GPR78: variants seen among roughly 807,000 people sequenced by gnomAD.
GPR78 encodes the protein G protein-coupled receptor 78.
A neutral mutation model predicts 17.9 loss-of-function variants in GPR78; 29 were observed. The ratio of observed to expected loss-of-function variants is 1.62; its 90% CI spans 1.20 to 2.21. The LOEUF (loss-of-function observed/expected upper bound fraction) is 2.21, where lower values mean the gene tolerates loss of function less well. Ranked by LOEUF, GPR78 falls within the 30% of genes most tolerant of loss-of-function variation. The probability of loss-of-function intolerance (pLI) is 0.00; values close to 1 mark genes in which losing one functional copy is unlikely to be tolerated. For missense variants in GPR78, 649 were observed against 530.5 expected, an observed-to-expected ratio of 1.22 and a Z score of -2.19; for synonymous variants, 349 against 256.9, an observed-to-expected ratio of 1.36 and a Z score of -3.43.
In GPR78 at chr4:8,582,521, G is replaced by C; in HGVS notation, c.669-10G>C. 1 of 1,590,328 alleles carries C rather than the reference G, an allele frequency of 6.3e-7. No homozygotes were observed. The highest frequency in any genetic ancestry group is 8.6e-7 in the Non-Finnish European group (1 of 1,166,614). ...GCCATCATCCTGACCACTGTCCTCT[G>C]TCCCCACAGTGTGCGGCAGCGCTGC... On this transcript the variant is annotated splice_polypyrimidine_tract_variant and intron_variant, in intron 1 of 2. Transcript: ENST00000382487.
At chr4:8,585,523 T>G (rs4696850) in intron 2 of GPR78, among the ~76,000 whole-genome samples, 127,571 of 151,728 alleles carry the variant, frequency 0.84, 53,861 homozygotes, top group East Asian at 0.98. Context: ...ATGCCTGATA[T>G]TGGGCTCCCT....
chr4:8,587,490 A>G lies in GPR78; in HGVS notation c.*127A>G. 1 of 920,156 alleles carries G rather than the reference A, an allele frequency of 1.1e-6. No individual in the cohort carries two copies. The highest frequency in any genetic ancestry group is 1.6e-6 in the Non-Finnish European group (1 of 609,280). The allele number at this position is 920,156 out of a possible 1,614,324, so 57.0% of individuals were successfully genotyped here. The stretch of plus-strand genomic sequence containing the variant: ...CTTGACTTTGAGCTAAGGCTGAAGT[A>G]CAGGAGGAGGAGGAGGAGAGGGCCG... On this transcript the variant is annotated 3_prime_UTR_variant, in exon 3 of 3. Transcript: ENST00000382487.
Position 8,587,077 on chromosome 4 carries a change from T to A in GPR78, c.806T>A (p.Val269Asp). The change falls in exon 3 of 3, where the codon GTC becomes GAC. Residue 269 changes from valine (V) to aspartate (D), a missense_variant. Val to Asp is a radical substitution (Grantham distance 152). Transcript: ENST00000382487. ...AGGCTGGCGGAGCTCGTGCCCTTCG[T>A]CACCGTGAACGCCCAGTGGGGCATC... is the stretch of plus-strand genomic sequence containing the variant. ...MTRLAELVPF[V>D]TVNAQWGILS... 6.2e-7 allele frequency: 1 copy of A among 1,612,198 alleles called. No individual in the cohort carries two copies.
chr4:8,581,573 G>A lies in GPR78; in HGVS notation c.591G>A (p.Arg197=). The A allele has an allele frequency of 2.5e-6, 4 of 1,576,366 alleles. No individual in the cohort carries two copies. Among genetic ancestry groups the A allele is most frequent in the East Asian group, 2.3e-5 (1 of 43,958 alleles). ...GCCTCACCTCGCTCCAGGTGCACCG[G>A]GTGGCACGCAGACACTGCCAGCGCA... ...VLCLTSLQVH[R]VARRHCQRMD... is the part of the protein sequence containing the mutation. Residue 197 remains arginine (R), a synonymous_variant, in exon 1 of 3, where the codon CGG becomes CGA. Coordinates refer to ENST00000382487, the MANE Select transcript of GPR78 (RefSeq NM_080819.5).
Position 8,581,389 on chromosome 4 carries a change from CCTT to C in GPR78, c.410_412del (p.Phe137del), listed in dbSNP as rs1391110853. On this transcript the variant is annotated inframe_deletion, in exon 1 of 3. Transcript: ENST00000382487. ...GGCTGTGCCTGGGGACAGTCGCTGG[CCTT>C]CTCAGGCGCTGCACTTGGCTGCTCG... 2 of 1,584,618 alleles carry C rather than the reference CCTT, an allele frequency of 1.3e-6. No individual in the cohort carries two copies.
At chr4:8,584,569 C>T (rs182556396) in intron 2 of GPR78, among the ~76,000 whole-genome samples, 12 of 152,364 alleles carry the variant, frequency 7.9e-5, no homozygotes, top group African/African-American at 2.9e-4. Context: ...ACAGGCTCCT[C>T]TCGGTTCTGA....
chr4:8,580,572 G>T lies in GPR78; in HGVS notation c.-411G>T, dbSNP rs1342863100. On this transcript the variant is annotated 5_prime_UTR_variant, in exon 1 of 3. Coordinates refer to ENST00000382487, the MANE Select transcript of GPR78 (RefSeq NM_080819.5). The stretch of plus-strand genomic sequence containing the variant: ...GACTGACCTGGCCCGGAACAGAAGC[G>T]CGCAGAGTCCCATCCTGCCACGCCA... 2 of 195,626 alleles carry T rather than the reference G, an allele frequency of 1.0e-5. No homozygotes were observed. The highest frequency in any genetic ancestry group is 1.4e-4 in the South Asian group (1 of 7,272). 12.1% of individuals were successfully genotyped at this position (195,626 alleles called of 1,614,324 possible).
intron 2 of GPR78, among the ~76,000 whole-genome samples, chr4:8,586,230 A>G (rs1713500567): frequency 6.6e-6 from 1 of 152,122 alleles, no homozygotes; most frequent in African/African-American, 2.4e-5. Flanking sequence ...CAGAGTCCCC[A>G]GAGGCCCATC....
chr4:8,582,784 C>A (rs6857510), intron 2 of GPR78, 140 bp downstream of exon 2: 182,905 of 641,620 alleles, frequency 0.29, 30,100 homozygotes, highest in Non-Finnish European at 0.36. Flanking sequence ...CTGACGGGCT[C>A]AGGGCTGTGC....
intron 2 of GPR78, among the ~76,000 whole-genome samples, chr4:8,583,635 C>T (rs1296978710): frequency 6.8e-6 from 1 of 147,136 alleles, no homozygotes; most frequent in Non-Finnish European, 1.5e-5. Flanking sequence ...CAAGGTCTGC[C>T]AGCCTGTCCA....
chr4:8,582,765 C>G, intron 2 of GPR78, 121 bp downstream of exon 2: 1 of 709,300 alleles, frequency 1.4e-6, no homozygotes, highest in African/African-American at 1.7e-5. Context: ...AGAGGACCCT[C>G]CTCCACACCT....
In GPR78 at chr4:8,589,654, C is replaced by A. The variant is rs2109303856; in HGVS notation, c.*2291C>A. ...GCCTACACTCTGTGTTATTGCATCT[C>A]CGCCAGGCTAAAAGCCTTGGTCACT... On this transcript the variant is annotated 3_prime_UTR_variant, in exon 3 of 3. Transcript: ENST00000382487. 6.6e-6 allele frequency among the ~76,000 whole-genome samples: 1 copy of A among 152,378 alleles called. No individual in the cohort carries two copies. Among genetic ancestry groups the A allele is most frequent in the East Asian group, 1.9e-4 (1 of 5,186 alleles).
chr4:8,586,716 G>A lies in GPR78; in HGVS notation c.783-338G>A, dbSNP rs186513668. Among the ~76,000 whole-genome samples, 18 of 152,346 alleles carry A rather than the reference G, an allele frequency of 1.2e-4. No individual in the cohort carries two copies. The East Asian group carries it at 1.7e-3, about 15-fold the overall frequency. Reference sequence around the variant, plus strand: ...TCGGTAGCTGGTTGTGTGTGCAGGTGTCCGCGGCAGGTGTACGTGCAGGTG... The same window carrying A: ...TCGGTAGCTGGTTGTGTGTGCAGGTATCCGCGGCAGGTGTACGTGCAGGTG... On this transcript the variant is annotated intron_variant, in intron 2 of 2. Transcript: ENST00000382487.
chr4:8,585,876 CTG>C (rs1713483712), intron 2 of GPR78, among the ~76,000 whole-genome samples: 1 of 152,220 alleles, frequency 6.6e-6, no homozygotes. Flanking sequence ...CCAGCAGCTG[CTG>C]TGTTTGTGGG....
chr4:8,582,609 C>T lies in GPR78; in HGVS notation c.747C>T (p.Thr249=). The part of the protein sequence containing the change: ...ATRKIGIAIA[T]FLICFAPYVM... ...GGAAGATTGGCATTGCTATTGCGAC[C>T]TTCCTCATCTGCTTTGCCCCGTATG... The change falls in exon 2 of 3, where the codon ACC becomes ACT. Residue 249 remains threonine, a synonymous_variant. Transcript: ENST00000382487. 1 of 1,613,468 alleles carries T rather than the reference C, an allele frequency of 6.2e-7. No individual in the cohort carries two copies.
chr4:8,586,518 C>T (rs1261015445), intron 2 of GPR78, among the ~76,000 whole-genome samples: 2 of 152,218 alleles, frequency 1.3e-5, no homozygotes, highest in African/African-American at 4.8e-5. Context: ...AGGGTCTGTT[C>T]TGCAGCCCAG....
rs927273114 is a variant in GPR78 at position 8,581,260 on chromosome 4, C to T, written c.278C>T (p.Ala93Val). 5 of 1,591,014 alleles carry T rather than the reference C, an allele frequency of 3.1e-6. No individual in the cohort carries two copies. The highest frequency in any genetic ancestry group is 1.7e-5 in the Admixed American group (1 of 58,208). The part of the protein sequence containing the change: ...GFLDTFLASN[A>V]ALSVAALSAD... ...CTGGACACCTTCCTGGCGTCCAACG[C>T]GGCGCTGAGCGTGGCGGCGCTGAGC... The change falls in exon 1 of 3, where the codon GCG becomes GTG. Residue 93 changes from alanine (A) to valine (V), a missense_variant. Ala to Val is a moderately conservative substitution (Grantham distance 64). Coordinates refer to ENST00000382487, the MANE Select transcript of GPR78 (RefSeq NM_080819.5).
chr4:8,588,364 C>G lies in GPR78; in HGVS notation c.*1001C>G, dbSNP rs989991275. On this transcript the variant is annotated 3_prime_UTR_variant, in exon 3 of 3. Coordinates refer to ENST00000382487, the MANE Select transcript of GPR78 (RefSeq NM_080819.5). ...TTAGTAATCACGGGGTGCCATTCCC[C>G]GGTGGGAGCACCCACCATCAATGTC... 9.9e-5 allele frequency among the ~76,000 whole-genome samples: 15 copies of G among 152,214 alleles called. No homozygotes were observed. The highest frequency in any genetic ancestry group is 3.4e-4 in the African/African-American group (14 of 41,464).
At chr4:8,586,486 G>T (rs1488707844) in intron 2 of GPR78, among the ~76,000 whole-genome samples, 1 of 152,206 alleles carries the variant, frequency 6.6e-6, no homozygotes, top group Non-Finnish European at 1.5e-5. Context: ...TGTTCATGTG[G>T]GTGAGGTGGT....
Sources: allele counts gnomAD v4.1 joint callset (sites outside exome capture counted in the v4.1 genomes callset), GRCh38; gene constraint gnomAD v4.1.1; transcripts MANE v1.5; gene names NCBI Gene and HGNC (gene_info 2026-07-23, HGNC 2026-07-21).